WWOX: variants seen among roughly 807,000 people sequenced by gnomAD.
WWOX encodes the protein WW domain-containing oxidoreductase.
Under a neutral mutation model 46.2 loss-of-function variants are expected in WWOX, and 69 were observed. The ratio of observed to expected loss-of-function variants is 1.49; its 90% CI spans 1.23 to 1.82. The LOEUF (loss-of-function observed/expected upper bound fraction) is 1.82, where lower values mean the gene tolerates loss of function less well. WWOX is among the 40% of genes most tolerant of loss of function. WWOX has a pLI of 0.00. For synonymous variants in WWOX, 359 were observed against 202.6 expected, an observed-to-expected ratio of 1.77 and a Z score of -6.56; for missense variants, 919 against 542.6, an observed-to-expected ratio of 1.69 and a Z score of -6.89.
At chr16:78,503,842 A>G (rs1230688188) in intron 8 of WWOX, 1 of 152,246 alleles carries the variant, frequency 6.6e-6, no homozygotes, top group Non-Finnish European at 1.5e-5. Flanking sequence ...TCTAGCAAAC[A>G]GTAGTGTTGT....
At chr16:78,747,940 C>G (rs1027050347) in intron 8 of WWOX, among the ~76,000 whole-genome samples, 11 of 152,176 alleles carry the variant, frequency 7.2e-5, no homozygotes, top group African/African-American at 1.2e-4. Context: ...ACTCAGCATC[C>G]TGCAGCCGAA....
chr16:79,024,684 C>T (rs935516195), intron 8 of WWOX, among the ~76,000 whole-genome samples: 1 of 152,102 alleles, frequency 6.6e-6, no homozygotes, highest in South Asian at 2.1e-4. Flanking sequence ...ATCTGCCCAC[C>T]TCGGCCTCCC....
At chr16:78,733,386 T>C (rs1435914410) in intron 8 of WWOX, among the ~76,000 whole-genome samples, 1 of 151,904 alleles carries the variant, frequency 6.6e-6, no homozygotes, top group African/African-American at 2.4e-5. Flanking sequence ...GCCCAGGAGG[T>C]TGAGGCTGCA....
At position 78,225,536 on chromosome 16, in the gene WWOX, C is replaced by T. The variant is rs1361230330; in HGVS notation, c.516+61247C>T. Among the ~76,000 whole-genome samples the T allele has an allele frequency of 2.6e-5, 4 of 152,122 alleles. No homozygotes were observed. The East Asian group carries it at 7.7e-4, about 29-fold the overall frequency. On this transcript the variant is annotated intron_variant, in intron 5 of 8. Coordinates refer to ENST00000566780, the MANE Select transcript of WWOX (RefSeq NM_016373.4). ...CTTTAAAAATCCTTCTCCATGGTAACATTATATTGACTCATATGTCTTACT... is the reference window on the plus strand; with the variant it reads ...CTTTAAAAATCCTTCTCCATGGTAATATTATATTGACTCATATGTCTTACT...
intron 8 of WWOX, among the ~76,000 whole-genome samples, chr16:78,852,715 C>A (rs559436914): frequency 2.6e-5 from 4 of 152,170 alleles, no homozygotes; most frequent in African/African-American, 9.7e-5. Flanking sequence ...ATACAGAGCC[C>A]ATATGCGCTG....
At chr16:79,087,392 C>T (rs1036798600) in intron 8 of WWOX, among the ~76,000 whole-genome samples, 1 of 152,188 alleles carries the variant, frequency 6.6e-6, no homozygotes, top group African/African-American at 2.4e-5. Context: ...ATGCTTATCT[C>T]CGTAGACACC....
chr16:78,935,578 G>A (rs2045719277), intron 8 of WWOX, among the ~76,000 whole-genome samples: 2 of 149,552 alleles, frequency 1.3e-5, no homozygotes, highest in South Asian at 4.3e-4. Context: ...GACACAGGAA[G>A]GGGAACATCA....
intron 8 of WWOX, among the ~76,000 whole-genome samples, chr16:78,771,050 A>C (rs377738847): frequency 5.3e-5 from 8 of 152,236 alleles, no homozygotes; most frequent in African/African-American, 1.9e-4. Context: ...CCGCACGTGC[A>C]AAGGCCCTCA....
At chr16:79,154,373 C>G (rs1351409892) in intron 8 of WWOX, among the ~76,000 whole-genome samples, 2 of 152,112 alleles carry the variant, frequency 1.3e-5, no homozygotes, top group Non-Finnish European at 2.9e-5. Context: ...CTCTGTGACT[C>G]TGATTCCTGT....
At chr16:78,659,558 G>A (rs530759984) in intron 8 of WWOX, among the ~76,000 whole-genome samples, 2 of 152,068 alleles carry the variant, frequency 1.3e-5, no homozygotes, top group Admixed American at 6.5e-5. Context: ...AAAACCTTTC[G>A]AGACATCATT....
At chr16:78,908,275 C>A (rs370011023) in intron 8 of WWOX, among the ~76,000 whole-genome samples, 1 of 152,106 alleles carries the variant, frequency 6.6e-6, no homozygotes, top group Non-Finnish European at 1.5e-5. Flanking sequence ...CACGGTGGCT[C>A]ATGCCTGTAA....
intron 8 of WWOX, among the ~76,000 whole-genome samples, chr16:78,718,899 G>A (rs539428089): frequency 6.6e-5 from 10 of 152,070 alleles, no homozygotes; most frequent in Non-Finnish European, 1.3e-4. Context: ...GGGTGGATGG[G>A]GCTGACTCAT....
At chr16:78,680,238 G>A (rs542254701) in intron 8 of WWOX, among the ~76,000 whole-genome samples, 1 of 151,896 alleles carries the variant, frequency 6.6e-6, no homozygotes, top group East Asian at 1.9e-4. Context: ...AACGAGACCC[G>A]TCTCTGCAGA....
intron 8 of WWOX, chr16:78,899,498 C>T (rs2044775521): frequency 6.6e-6 from 1 of 152,104 alleles, no homozygotes; most frequent in Non-Finnish European, 1.5e-5. Context: ...AGTGAGTTCT[C>T]CATAAATGTT....
At chr16:78,156,984 A>T (rs2034628168) in intron 4 of WWOX, among the ~76,000 whole-genome samples, 1 of 152,132 alleles carries the variant, frequency 6.6e-6, no homozygotes, top group Admixed American at 6.5e-5. Flanking sequence ...GCCTTGTGTT[A>T]TATCGATGCT....
At chr16:79,165,399 T>A (rs1490903201) in intron 8 of WWOX, among the ~76,000 whole-genome samples, 2 of 152,208 alleles carry the variant, frequency 1.3e-5, no homozygotes, top group Non-Finnish European at 2.9e-5. Flanking sequence ...TCCTTTCTTA[T>A]GATTAATGCA....
At chr16:78,497,643 C>T (rs906014852) in intron 8 of WWOX, among the ~76,000 whole-genome samples, 3 of 152,180 alleles carry the variant, frequency 2.0e-5, no homozygotes, top group Admixed American at 6.5e-5. Context: ...GCCCTTCCAA[C>T]ATCTAGCATT....
At chr16:78,322,398 C>G (rs2080503447) in intron 5 of WWOX, among the ~76,000 whole-genome samples, 1 of 152,150 alleles carries the variant, frequency 6.6e-6, no homozygotes, top group African/African-American at 2.4e-5. Flanking sequence ...ATAATAATGA[C>G]TAGCACTCAC....
chr16:78,968,535 A>G (rs60123393), intron 8 of WWOX, among the ~76,000 whole-genome samples: 2 of 152,294 alleles, frequency 1.3e-5, no homozygotes, highest in East Asian at 1.9e-4. Context: ...GGACATTATG[A>G]TGACTGTTAT....
Sources: allele counts gnomAD v4.1 joint callset (sites outside exome capture counted in the v4.1 genomes callset), GRCh38; gene constraint gnomAD v4.1.1; transcripts MANE v1.5; gene names NCBI Gene and HGNC (gene_info 2026-07-23, HGNC 2026-07-21).